Variants in PPFIBP2 observed in about 807,000 individuals in gnomAD.
The protein encoded by PPFIBP2 is liprin-beta-2.
Under a neutral mutation model 118.3 loss-of-function variants are expected in PPFIBP2, and 118 were observed. The observed-to-expected ratio is 1.00, with a 90% CI of 0.86 to 1.16. The LOEUF (loss-of-function observed/expected upper bound fraction) is 1.16, where lower values mean the gene tolerates loss of function less well. Among genes scored for constraint, PPFIBP2 ranks in the 50% most tolerant of loss-of-function variants. The pLI is 0.00. For synonymous variants in PPFIBP2, 414 were observed against 397.4 expected (o/e 1.04, Z -0.50); for missense variants, 1,195 against 1,073.1 (o/e 1.11, Z -1.59).
intron 1 of PPFIBP2, among the ~76,000 whole-genome samples, chr11:7,542,411 C>T (rs7481343): frequency 0.79 from 120,340 of 152,182 alleles, 48,672 homozygotes; most frequent in African/African-American, 0.95. Context: ...TTCTTTTAAT[C>T]TTAATCACCA....
chr11:7,536,696 G>A (rs1427984892), intron 1 of PPFIBP2, among the ~76,000 whole-genome samples: 10 of 152,154 alleles, frequency 6.6e-5, no homozygotes, highest in South Asian at 2.1e-4. Context: ...TGATGGAGCC[G>A]TATGTGTTGT....
intron 2 of PPFIBP2, among the ~76,000 whole-genome samples, chr11:7,561,761 T>A (rs1256421426): frequency 2.0e-5 from 3 of 152,236 alleles, no homozygotes; most frequent in Non-Finnish European, 2.9e-5. Context: ...CATCATACAA[T>A]AATAAACATT....
chr11:7,608,636 G>A (rs564455744), intron 5 of PPFIBP2, among the ~76,000 whole-genome samples: 1 of 151,534 alleles, frequency 6.6e-6, no homozygotes, highest in Non-Finnish European at 1.5e-5. Context: ...GCGAAACGCT[G>A]TCTCAAAAAA....
the PPFIBP2 span, among the ~76,000 whole-genome samples, chr11:7,663,523 G>C: frequency 3.9e-5 from 6 of 152,280 alleles, no homozygotes; most frequent in South Asian, 6.2e-4. Flanking sequence ...CTGCAGCTGC[G>C]AGCTGGGAGA....
the PPFIBP2 span, among the ~76,000 whole-genome samples, chr11:7,662,876 T>G: frequency 6.8e-6 from 1 of 147,190 alleles, no homozygotes; most frequent in East Asian, 2.0e-4. Flanking sequence ...TAAACTTCCC[T>G]TCTCGCTTCA....
intron 17 of PPFIBP2, among the ~76,000 whole-genome samples, chr11:7,645,668 G>C (rs4592417): frequency 0.38 from 57,274 of 151,882 alleles, 12,178 homozygotes; most frequent in Non-Finnish European, 0.48. Context: ...GCTTAGGAGG[G>C]AGGAGAGGAT....
chr11:7,649,535 G>C lies in PPFIBP2; in HGVS notation c.2002G>C (p.Asp668His). The part of the protein sequence containing the change: ...RRMLQYLTVN[D>H]LLFLKVTSQL... ...AAACCAAACTTTCCTCTTTCAGAAC[G>C]ATTTACTCTTCTTAAAAGTCACCAG... Residue 668 changes from aspartate to histidine, a missense_variant, in exon 21 of 24, where the codon GAT (aspartate) becomes CAT (histidine). Coordinates refer to ENST00000299492, the MANE Select transcript of PPFIBP2 (RefSeq NM_003621.5). 1 of 1,614,098 alleles carries C rather than the reference G, an allele frequency of 6.2e-7. No homozygotes were observed. The highest frequency in any genetic ancestry group is 8.5e-7 in the Non-Finnish European group (1 of 1,180,022).
chr11:7,625,568 G>A (rs546483156), intron 7 of PPFIBP2, among the ~76,000 whole-genome samples: 18 of 152,352 alleles, frequency 1.2e-4, no homozygotes, highest in African/African-American at 3.1e-4. Context: ...GGCCAGAGCC[G>A]TGGGGAGGGC....
Position 7,630,808 on chromosome 11 carries a change from T to TA in PPFIBP2, c.965-117_965-116insA, listed in dbSNP as rs1850653792. On this transcript the variant is annotated intron_variant, in intron 10 of 23. Transcript: ENST00000299492. ...TCAGAATCACACTCTTACTGTCCCT[T>TA]TATATATTTCTTAGTCCTTCTTAAT... The TA allele has an allele frequency of 1.0e-5, 8 of 766,038 alleles. No individual in the cohort carries two copies. In the Admixed American group the frequency reaches 1.5e-4, roughly 15 times the overall value. 47.5% of individuals were successfully genotyped at this position (766,038 alleles called of 1,614,324 possible).
At chr11:7,586,468 T>C (rs1858203915) in intron 3 of PPFIBP2, among the ~76,000 whole-genome samples, 1 of 152,228 alleles carries the variant, frequency 6.6e-6, no homozygotes, top group Non-Finnish European at 1.5e-5. Context: ...AAACTGTTTA[T>C]ATCACACAGG....
chr11:7,595,719 C>A (rs1298413591), intron 4 of PPFIBP2, among the ~76,000 whole-genome samples: 1 of 152,082 alleles, frequency 6.6e-6, no homozygotes, highest in Admixed American at 6.6e-5. Context: ...AGCAGCTTAG[C>A]CAGACTGAAT....
chr11:7,598,678 C>T (rs1191559096), intron 5 of PPFIBP2, among the ~76,000 whole-genome samples: 2 of 152,054 alleles, frequency 1.3e-5, no homozygotes, highest in East Asian at 1.9e-4. Flanking sequence ...AAGTTTGTTC[C>T]TTAAAATGAG....
At chr11:7,515,752 G>A (rs1374447139) in intron 1 of PPFIBP2, among the ~76,000 whole-genome samples, 1 of 152,234 alleles carries the variant, frequency 6.6e-6, no homozygotes, top group Non-Finnish European at 1.5e-5. Context: ...TGAAGGCACA[G>A]CAGGGGACTG....
intron 5 of PPFIBP2, among the ~76,000 whole-genome samples, chr11:7,605,318 G>A (rs1565043076): frequency 2.6e-5 from 4 of 152,194 alleles, no homozygotes; most frequent in South Asian, 2.1e-4. Flanking sequence ...CAGCAAATAC[G>A]AGGAGAGATT....
At chr11:7,584,051 T>C (rs768489903) in intron 3 of PPFIBP2, among the ~76,000 whole-genome samples, 2 of 152,246 alleles carry the variant, frequency 1.3e-5, no homozygotes, top group African/African-American at 2.4e-5. Context: ...TGCATACAAC[T>C]CTTTATGATA....
chr11:7,564,819 G>T (rs1165655843), intron 2 of PPFIBP2, among the ~76,000 whole-genome samples: 2 of 152,214 alleles, frequency 1.3e-5, no homozygotes, highest in East Asian at 3.8e-4. Flanking sequence ...GTCAAAGAGA[G>T]AAAGAGTGGA....
chr11:7,629,307 C>A (rs1850439849), intron 9 of PPFIBP2, 152 bp from the exon 10 acceptor site: 2 of 717,818 alleles, frequency 2.8e-6, no homozygotes, highest in East Asian at 5.3e-5. Flanking sequence ...ACTGAAATCC[C>A]AGCTCTGTGG....
At chr11:7,642,189 T>C (rs1852291927) in intron 16 of PPFIBP2, 109 bp from the exon 17 acceptor site, 2 of 1,328,890 alleles carry the variant, frequency 1.5e-6, no homozygotes, top group Non-Finnish European at 2.1e-6. Context: ...GAAGCAGTGC[T>C]GCCGAGAGTC....
At chr11:7,559,709 T>G (rs1564972762) in intron 2 of PPFIBP2, among the ~76,000 whole-genome samples, 3 of 152,150 alleles carry the variant, frequency 2.0e-5, no homozygotes, top group Admixed American at 2.0e-4. Context: ...GGCAATACTT[T>G]GGGGTACTTT....
Sources: allele counts gnomAD v4.1 joint callset (sites outside exome capture counted in the v4.1 genomes callset), GRCh38; gene constraint gnomAD v4.1.1; transcripts MANE v1.5; gene names NCBI Gene and HGNC (gene_info 2026-07-23, HGNC 2026-07-21).